The following STOX2 variants were observed in gnomAD, a reference collection of about 807,000 sequenced individuals.
STOX2 encodes the protein storkhead box 2.
In STOX2, 28 loss-of-function variants were observed where a neutral mutation model predicts 60.9. That is an observed-to-expected ratio of 0.46 (90% CI 0.34 to 0.63). The LOEUF (loss-of-function observed/expected upper bound fraction) is 0.63, where lower values mean the gene tolerates loss of function less well. Ranked by LOEUF, STOX2 falls within the 30% of genes least tolerant of loss-of-function variation. The pLI, the probability that STOX2 is intolerant of heterozygous loss-of-function variation, is 0.01. For synonymous variants in STOX2, 472 were observed against 463.9 expected (o/e 1.02, Z -0.22); for missense variants, 1,024 against 1,187.7 (o/e 0.86, Z 2.03).
At chr4:183,805,441 T>A (rs1738867695) in intron 1 of STOX2, among the ~76,000 whole-genome samples, 1 of 152,228 alleles carries the variant, frequency 6.6e-6, no homozygotes, top group African/African-American at 2.4e-5. Context: ...AATTTTTTAA[T>A]TTATAGTATA....
At chr4:183,983,260 A>G (rs750416509) in intron 1 of STOX2, among the ~76,000 whole-genome samples, 1 of 151,988 alleles carries the variant, frequency 6.6e-6, no homozygotes, top group Non-Finnish European at 1.5e-5. Flanking sequence ...TGCTTCCTTG[A>G]TGGCGCTTTT....
intron 1 of STOX2, among the ~76,000 whole-genome samples, chr4:183,846,110 G>A (rs777489047): frequency 2.0e-5 from 3 of 152,128 alleles, no homozygotes; most frequent in Non-Finnish European, 2.9e-5. Flanking sequence ...TTTTCTTTCA[G>A]CACTTTGCAT....
In STOX2 at chr4:184,022,405, A is replaced by C. The variant is rs150559061; in HGVS notation, c.*5121A>C. On this transcript the variant is annotated 3_prime_UTR_variant, in exon 4 of 4. Transcript: ENST00000308497. ...CACAGTCCTGTGATTTTACAGTTCT[A>C]TGACTTACAGTTGATGATTCACAAG... 68 of 152,216 alleles carry C rather than the reference A, an allele frequency of 4.5e-4. No individual in the cohort carries two copies. The highest frequency in any genetic ancestry group is 1.5e-3 in the African/African-American group (63 of 41,524). The allele number at this position is 152,216 out of a possible 1,614,324, so 9.4% of individuals were successfully genotyped here. A position where few individuals can be genotyped will look rare whatever the true frequency, so the allele number is the denominator to read the frequency against.
intron 1 of STOX2, among the ~76,000 whole-genome samples, chr4:183,942,796 T>A (rs142225806): frequency 1.1e-4 from 16 of 151,758 alleles, no homozygotes; most frequent in African/African-American, 3.1e-4. Flanking sequence ...TCATGTGCTT[T>A]AAAAAAAAAC....
intron 1 of STOX2, among the ~76,000 whole-genome samples, chr4:183,833,859 G>A (rs1341450614): frequency 6.6e-6 from 1 of 151,290 alleles, no homozygotes; most frequent in Admixed American, 6.7e-5. Flanking sequence ...GCAGGCGCCT[G>A]TAGTCCCAGC....
chr4:183,879,417 T>C (rs1038064056), intron 1 of STOX2, among the ~76,000 whole-genome samples: 8 of 152,222 alleles, frequency 5.3e-5, no homozygotes, highest in African/African-American at 1.9e-4. Flanking sequence ...ACCACAGAGC[T>C]CCGGCAATGA....
intron 1 of STOX2, among the ~76,000 whole-genome samples, chr4:183,857,005 G>A (rs1401826241): frequency 1.3e-5 from 2 of 150,006 alleles, no homozygotes. Flanking sequence ...GCTGGGAGGG[G>A]TTTGGAGGGG....
At chr4:183,800,774 C>T (rs1044085812) in intron 1 of STOX2, among the ~76,000 whole-genome samples, 1 of 152,174 alleles carries the variant, frequency 6.6e-6, no homozygotes, top group Non-Finnish European at 1.5e-5. Flanking sequence ...TTAGATCCCA[C>T]CATAGAGAGT....
intron 1 of STOX2, among the ~76,000 whole-genome samples, chr4:183,942,341 T>TG (rs1490405827): frequency 6.6e-6 from 1 of 151,420 alleles, no homozygotes; most frequent in African/African-American, 2.4e-5. Flanking sequence ...TCTAGGTTTT[T>TG]TTTTTTTTTT....
At chr4:183,983,356 A>G (rs1161589527) in intron 1 of STOX2, among the ~76,000 whole-genome samples, 1 of 152,178 alleles carries the variant, frequency 6.6e-6, no homozygotes, top group African/African-American at 2.4e-5. Flanking sequence ...GATGTTGAAC[A>G]ATGAATATAG....
At position 183,906,781 on chromosome 4, in the gene STOX2, C is replaced by G; in HGVS notation, c.-10C>G. Reference sequence around the variant, plus strand: ...CCCGAGGATCGGGGCGGCAGGTCGCCCTCCCCACCATGAAGAAGACCCGGA... The same window carrying G: ...CCCGAGGATCGGGGCGGCAGGTCGCGCTCCCCACCATGAAGAAGACCCGGA... On this transcript the variant is annotated 5_prime_UTR_variant, in exon 1 of 4. Transcript: ENST00000308497. 6.6e-7 allele frequency: 1 copy of G among 1,519,796 alleles called. No individual in the cohort carries two copies. 94.1% of individuals were successfully genotyped at this position (1,519,796 alleles called of 1,614,324 possible). A position where few individuals can be genotyped will look rare whatever the true frequency, so the allele number is the denominator to read the frequency against.
intron 1 of STOX2, among the ~76,000 whole-genome samples, chr4:183,973,094 A>G (rs1025949865): frequency 6.6e-5 from 10 of 152,218 alleles, no homozygotes; most frequent in African/African-American, 2.4e-4. Flanking sequence ...ACAGAGCTTC[A>G]AGGATGTGTG....
rs747695809 is a variant in STOX2 at position 183,905,740 on chromosome 4, A to C, written c.-1051A>C. 2 of 152,246 alleles carry C rather than the reference A, an allele frequency of 1.3e-5. No individual in the cohort carries two copies. Among genetic ancestry groups the C allele is most frequent in the African/African-American group, 4.8e-5 (2 of 41,462 alleles). The allele number at this position is 152,246 out of a possible 1,614,324, so 9.4% of individuals were successfully genotyped here. A position where few individuals can be genotyped will look rare whatever the true frequency, so the allele number is the denominator to read the frequency against. ...CTGATGGGAACCGCGTTCTAACTTA[A>C]GGCAGCCTGGTGATTAGCATGAGAC... On this transcript the variant is annotated 5_prime_UTR_variant, in exon 1 of 4. Transcript: ENST00000308497.
chr4:183,991,484 A>G lies in STOX2; in HGVS notation c.167-9841A>G, dbSNP rs1247545161. On this transcript the variant is annotated intron_variant, in intron 1 of 3. Transcript: ENST00000308497. ...TCCTTGTTTCCCAGGCTGGAGTGCA[A>G]TGGCACGGTCTTGGCTCACTGCAAC... Among the ~76,000 whole-genome samples, 4 of 151,720 alleles carry G rather than the reference A, an allele frequency of 2.6e-5. No homozygotes were observed. The East Asian group carries it at 7.7e-4, about 29-fold the overall frequency.
At chr4:183,978,051 C>T (rs1479584059) in intron 1 of STOX2, among the ~76,000 whole-genome samples, 1 of 152,224 alleles carries the variant, frequency 6.6e-6, no homozygotes, top group Admixed American at 6.5e-5. Flanking sequence ...TGTAGGATGT[C>T]TGTTTACCCT....
At chr4:183,831,340 T>C (rs1739563308) in intron 1 of STOX2, among the ~76,000 whole-genome samples, 1 of 152,206 alleles carries the variant, frequency 6.6e-6, no homozygotes, top group African/African-American at 2.4e-5. Context: ...CCCCCAAGTT[T>C]GCCTTGAACT....
At chr4:183,810,380 T>C (rs1429279191) in intron 1 of STOX2, among the ~76,000 whole-genome samples, 1 of 152,196 alleles carries the variant, frequency 6.6e-6, no homozygotes, top group Non-Finnish European at 1.5e-5. Flanking sequence ...AGGACCACCA[T>C]GGTAGGTACA....
chr4:184,002,876 T>C (rs1029940363), intron 2 of STOX2, among the ~76,000 whole-genome samples: 3 of 152,232 alleles, frequency 2.0e-5, no homozygotes, highest in African/African-American at 7.2e-5. Context: ...TATTTCTTCC[T>C]TTTTCAATAT....
At position 184,011,809 on chromosome 4, in the gene STOX2, G is replaced by C. The variant is rs1033130570; in HGVS notation, c.2585+386G>C. ...AATAAATAGTCTGGGGGCGGGGGAGGAAGATAGGGGTTGGGAGTAAACTGA... is the reference window on the plus strand; with the variant it reads ...AATAAATAGTCTGGGGGCGGGGGAGCAAGATAGGGGTTGGGAGTAAACTGA... On this transcript the variant is annotated intron_variant, in intron 3 of 3. Transcript: ENST00000308497. This position sits in a 1 kb window ranked among gnomAD's most constrained non-coding sequence, Gnocchi z 4.4. 1.3e-5 allele frequency among the ~76,000 whole-genome samples: 2 copies of C among 151,964 alleles called. No individual in the cohort carries two copies. Among genetic ancestry groups the C allele is most frequent in the African/African-American group, 4.8e-5 (2 of 41,412 alleles).
Sources: allele counts gnomAD v4.1 joint callset (sites outside exome capture counted in the v4.1 genomes callset), GRCh38; gene constraint gnomAD v4.1.1; non-coding constraint Gnocchi (gnomAD v3.1); transcripts MANE v1.5; gene names NCBI Gene and HGNC (gene_info 2026-07-23, HGNC 2026-07-21).